The following KDM2A variants were observed in gnomAD, a reference collection of about 807,000 sequenced individuals.
KDM2A encodes lysine-specific demethylase 2A.
Under a neutral mutation model 137.3 loss-of-function variants are expected in KDM2A, and 3 were observed. That is an observed-to-expected ratio of 0.02 (90% CI 0.01 to 0.06). The LOEUF (loss-of-function observed/expected upper bound fraction) is 0.06. Among genes scored for constraint, KDM2A ranks in the 10% least tolerant of loss-of-function variants. The pLI, the probability that KDM2A is intolerant of heterozygous loss-of-function variation, is 1.00. For synonymous variants in KDM2A, 512 were observed against 541.5 expected (o/e 0.95, Z 0.76); for missense variants, 738 against 1,510.6 (o/e 0.49, Z 8.48).
At chr11:67,130,939 A>G (rs918972174) in intron 2 of KDM2A, among the ~76,000 whole-genome samples, 18 of 151,758 alleles carry the variant, frequency 1.2e-4, no homozygotes, top group African/African-American at 4.1e-4. Context: ...CAGAGTCGGT[A>G]AGAGGTGAAA....
At chr11:67,217,373 C>A (rs1858198333) in intron 8 of KDM2A, among the ~76,000 whole-genome samples, 1 of 152,174 alleles carries the variant, frequency 6.6e-6, no homozygotes, top group Admixed American at 6.6e-5. Context: ...CAACCTGAGC[C>A]AGTCTCTTGA....
At chr11:67,232,248 TTA>T (rs1858739159) in intron 12 of KDM2A, among the ~76,000 whole-genome samples, 1 of 152,160 alleles carries the variant, frequency 6.6e-6, no homozygotes, top group Non-Finnish European at 1.5e-5. Context: ...AAGAAAATAT[TTA>T]TATAAGAAAT....
intron 2 of KDM2A, among the ~76,000 whole-genome samples, chr11:67,152,898 G>C (rs7115659): frequency 0.094 from 13,051 of 138,158 alleles, 1,969 homozygotes; most frequent in African/African-American, 0.33. Flanking sequence ...TAGGATTACA[G>C]TGCCAGAGTG....
At chr11:67,197,816 G>A (rs929146566) in intron 5 of KDM2A, among the ~76,000 whole-genome samples, 3 of 152,124 alleles carry the variant, frequency 2.0e-5, no homozygotes, top group African/African-American at 7.2e-5. Flanking sequence ...CTTGAACAAT[G>A]CAACGGCTAG....
chr11:67,193,075 C>T (rs996245695), intron 5 of KDM2A, among the ~76,000 whole-genome samples: 5 of 152,102 alleles, frequency 3.3e-5, no homozygotes, highest in African/African-American at 9.7e-5. Context: ...CTGCAACCTC[C>T]GCCTCCCAGG....
intron 5 of KDM2A, among the ~76,000 whole-genome samples, chr11:67,195,004 C>A (rs1172559491): frequency 6.6e-6 from 1 of 152,114 alleles, no homozygotes; most frequent in Admixed American, 6.6e-5. Flanking sequence ...TTCATCTGAT[C>A]TTGAAAGTGT....
intron 2 of KDM2A, among the ~76,000 whole-genome samples, chr11:67,166,320 GA>G (rs1396680554): frequency 6.6e-6 from 1 of 151,704 alleles, no homozygotes; most frequent in Non-Finnish European, 1.5e-5. Flanking sequence ...AAGTAGCTGG[GA>G]CTATAGGCAC....
At chr11:67,234,231 T>A (rs1354253728) in intron 12 of KDM2A, among the ~76,000 whole-genome samples, 1 of 152,176 alleles carries the variant, frequency 6.6e-6, no homozygotes, top group Non-Finnish European at 1.5e-5. Context: ...AGCATTAGAT[T>A]GGGTAGCTGC....
chr11:67,219,159 A>G, intron 9 of KDM2A, 129 bp from the exon 10 acceptor site: 1 of 437,042 alleles, frequency 2.3e-6, no homozygotes, highest in South Asian at 6.0e-5. Context: ...GAGATTAAGT[A>G]ACTTGACAAA....
chr11:67,246,173 CA>C, intron 15 of KDM2A, 57 bp downstream of exon 15: 1 of 1,584,164 alleles, frequency 6.3e-7, no homozygotes, highest in South Asian at 1.1e-5. Context: ...AGTGACACAA[CA>C]GAATGGGACA....
intron 5 of KDM2A, 60 bp from the exon 6 acceptor site, chr11:67,207,450 T>G: frequency 7.9e-7 from 1 of 1,269,702 alleles, no homozygotes. Flanking sequence ...AAAAATATTC[T>G]TACTATATTT....
chr11:67,206,748 T>G (rs915395297), intron 5 of KDM2A, among the ~76,000 whole-genome samples: 1 of 152,202 alleles, frequency 6.6e-6, no homozygotes, highest in Non-Finnish European at 1.5e-5. Context: ...AAAAAATAAA[T>G]AAACAAACTT....
intron 3 of KDM2A, among the ~76,000 whole-genome samples, 197 bp from the exon 4 acceptor site, chr11:67,181,123 G>A (rs1035661830): frequency 1.3e-5 from 2 of 151,948 alleles, no homozygotes; most frequent in African/African-American, 4.8e-5. Flanking sequence ...AACCCCTCAA[G>A]CGTTGCTTCT....
chr11:67,147,764 G>A (rs190089251), intron 2 of KDM2A, among the ~76,000 whole-genome samples: 4 of 151,204 alleles, frequency 2.6e-5, no homozygotes, highest in Admixed American at 1.3e-4. Flanking sequence ...TGCAACTGCC[G>A]CCTCCTGGGT....
chr11:67,235,801 G>T (rs368651081), intron 12 of KDM2A, among the ~76,000 whole-genome samples: 1 of 151,508 alleles, frequency 6.6e-6, no homozygotes, highest in South Asian at 2.1e-4. Context: ...TGTATTTTTA[G>T]TAGAGACGGG....
intron 5 of KDM2A, among the ~76,000 whole-genome samples, chr11:67,184,454 C>G (rs536382407): frequency 6.6e-6 from 1 of 152,216 alleles, no homozygotes; most frequent in Non-Finnish European, 1.5e-5. Flanking sequence ...ATGGTGAAAC[C>G]CCGTCTTTAC....
intron 5 of KDM2A, among the ~76,000 whole-genome samples, chr11:67,200,874 C>G: frequency 6.6e-6 from 1 of 152,000 alleles, no homozygotes; most frequent in East Asian, 1.9e-4. Flanking sequence ...AAGGAGTAAT[C>G]TCAACTTTAG....
chr11:67,218,357 C>T (rs183911252), intron 9 of KDM2A, among the ~76,000 whole-genome samples: 1 of 152,222 alleles, frequency 6.6e-6, no homozygotes, highest in East Asian at 1.9e-4. Context: ...ATGCATTTAC[C>T]TGCTAGATAC....
At chr11:67,253,245 T>C (rs878858429) in intron 18 of KDM2A, among the ~76,000 whole-genome samples, 2 of 152,252 alleles carry the variant, frequency 1.3e-5, no homozygotes, top group Non-Finnish European at 2.9e-5. Flanking sequence ...TGTATTGCTC[T>C]GGTGGGAACT....
Sources: allele counts gnomAD v4.1 joint callset (sites outside exome capture counted in the v4.1 genomes callset), GRCh38; gene constraint gnomAD v4.1.1; transcripts MANE v1.5; gene names NCBI Gene and HGNC (gene_info 2026-07-23, HGNC 2026-07-21).